Variants in DBN1 observed in about 807,000 individuals in gnomAD.
The protein encoded by DBN1 is drebrin 1.
DBN1 carries 21 observed loss-of-function variants against 83.5 expected under a neutral mutation model. The observed-to-expected ratio is 0.25, with a 90% CI of 0.18 to 0.36. The LOEUF is 0.36. Ranked by LOEUF, DBN1 falls within the 10% of genes least tolerant of loss-of-function variation. The pLI is 1.00. For synonymous variants in DBN1, 381 were observed against 384.9 expected, an observed-to-expected ratio of 0.99 and a Z score of 0.12; for missense variants, 874 against 935.7, an observed-to-expected ratio of 0.93 and a Z score of 0.86.
chr5:177,472,486 C>T lies in DBN1; in HGVS notation c.86+950G>A, dbSNP rs115762367. On this transcript the variant is annotated intron_variant, in intron 1 of 14. Transcript: ENST00000393565. ...GTTTCCTTTTTCCACCACCCTGGGC[C>T]GCCAGCCCCAGAGCAGGTGGTCCAT... The T allele has an allele frequency of 1.6e-3, 1,847 of 1,140,750 alleles. 18 individuals carry two copies. The African/African-American group carries it at 0.027, about 17-fold the overall frequency. 70.7% of individuals were successfully genotyped at this position (1,140,750 alleles called of 1,614,324 possible).
chr5:177,460,771 T>C, intron 8 of DBN1, 68 bp from the exon 9 acceptor site: 1 of 1,486,206 alleles, frequency 6.7e-7, no homozygotes, highest in South Asian at 1.2e-5. Context: ...TCTTTTTTAC[T>C]GTATTTTATT....
chr5:177,460,591 G>A (rs1359038289), intron 9 of DBN1, 36 bp from the exon 10 acceptor site: 1 of 1,614,030 alleles, frequency 6.2e-7, no homozygotes, highest in Non-Finnish European at 8.5e-7. Flanking sequence ...GCTGGGCCAG[G>A]CAAGCTGAGA....
At chr5:177,462,463 GGGT>G (rs1757121194) in intron 8 of DBN1, 1 of 951,958 alleles carries the variant, frequency 1.1e-6, no homozygotes, top group Middle Eastern at 5.4e-4. Flanking sequence ...GGTCCCCACA[GGGT>G]GCTCCTGGCT....
chr5:177,458,622 G>C lies in DBN1; in HGVS notation c.1350C>G (p.Pro450=). Reference sequence around the variant, plus strand: ...CCCGGGGAGGCGCCTGTGCCTGAGGGGGCTCCTCCATGGGGCCGGCCCAGG... The same window carrying C: ...CCCGGGGAGGCGCCTGTGCCTGAGGCGGCTCCTCCATGGGGCCGGCCCAGG... ...PQAWAGPMEE[P]PQAQAPPRGP... The change falls in exon 13 of 15, where the codon CCC becomes CCG. Residue 450 remains proline, a synonymous_variant. Coordinates refer to ENST00000393565, the MANE Select transcript of DBN1 (RefSeq NM_001363541.2). 1 of 1,609,558 alleles carries C rather than the reference G, an allele frequency of 6.2e-7. No individual in the cohort carries two copies. The highest frequency in any genetic ancestry group is 2.2e-5 in the East Asian group (1 of 44,874).
At chr5:177,462,123 T>C in intron 8 of DBN1, 5 of 708,638 alleles carry the variant, frequency 7.1e-6, no homozygotes, top group Non-Finnish European at 8.7e-6. Flanking sequence ...CACGTTGTTT[T>C]GGGTGGGCAG....
rs1756588738 is a variant in DBN1 at position 177,457,447 on chromosome 5, C to A, written c.2074G>T (p.Glu692Ter). 6.2e-7 allele frequency: 1 copy of A among 1,613,956 alleles called. No individual in the cohort carries two copies. The highest frequency in any genetic ancestry group is 1.3e-5 in the African/African-American group (1 of 74,920). Residue 692 changes from glutamate to a stop codon, truncating the protein, a stop_gained, in exon 15 of 15, where the codon GAG (glutamate) becomes TAG (stop). Coordinates refer to ENST00000393565, the MANE Select transcript of DBN1 (RefSeq NM_001363541.2). LOFTEE classifies it high-confidence loss of function. The part of the protein sequence containing the change: ...DPVPEEEEGF[E>*]GGD ...TGGCGCCACCGCTAATCACCACCCT[C>A]GAAGCCCTCCTCCTCTTCTGGAACT...
intron 1 of DBN1, 180 bp downstream of exon 1, chr5:177,473,256 C>T (rs1228690758): frequency 3.5e-6 from 1 of 286,784 alleles, no homozygotes; most frequent in Admixed American, 5.4e-5. Context: ...AGTGCCCCGC[C>T]TGGCCCGCCG....
In DBN1 at chr5:177,467,254, C is replaced by T; in HGVS notation, c.555+1G>A. On this transcript the variant is annotated splice_donor_variant, in intron 6 of 14. Coordinates refer to ENST00000393565, the MANE Select transcript of DBN1 (RefSeq NM_001363541.2). LOFTEE classifies it high-confidence loss of function. This position sits in a 1 kb window ranked among gnomAD's most constrained non-coding sequence, Gnocchi z 9.1. The stretch of plus-strand genomic sequence containing the variant: ...GCCAGGCCGGGCTCAGGGTTCCATA[C>T]CTTGGCCTGCTCCCAGAACTGCTCT... 6.2e-7 allele frequency: 1 copy of T among 1,614,140 alleles called. No individual in the cohort carries two copies. Among genetic ancestry groups the T allele is most frequent in the South Asian group, 1.1e-5 (1 of 91,086 alleles).
chr5:177,459,695 G>A lies in DBN1; in HGVS notation c.1001C>T (p.Ser334Phe). ...GGAGGAGGAGGAAGAGGAGGAGGAG[G>A]AAGGCCCACTGTCCGATGCCTTTAT... Reference protein sequence around the residue: ...PFIKASDSGPSSSSSSSSSPP... With the variant: ...PFIKASDSGPFSSSSSSSSPP... The change falls in exon 11 of 15, where the codon TCC becomes TTC. Residue 334 changes from serine (S) to phenylalanine (F), a missense_variant. Coordinates refer to ENST00000393565, the MANE Select transcript of DBN1 (RefSeq NM_001363541.2). The A allele has an allele frequency of 6.3e-7, 1 of 1,589,776 alleles. No homozygotes were observed. Among genetic ancestry groups the A allele is most frequent in the Non-Finnish European group, 8.6e-7 (1 of 1,168,696 alleles).
In DBN1 at chr5:177,467,670, C is replaced by T. The variant is rs550864899; in HGVS notation, c.331-43G>A. On this transcript the variant is annotated intron_variant, in intron 4 of 14. Coordinates refer to ENST00000393565, the MANE Select transcript of DBN1 (RefSeq NM_001363541.2). The surrounding 1 kb of genome is among the most constrained non-coding windows in gnomAD (Gnocchi z 9.1). Reference sequence around the variant, plus strand: ...CAGTGCTCAGGCGGCACCATCCTCCCGCCATCCCCACCCCAGCACGCAGAC... The same window carrying T: ...CAGTGCTCAGGCGGCACCATCCTCCTGCCATCCCCACCCCAGCACGCAGAC... The T allele has an allele frequency of 1.4e-5, 22 of 1,560,082 alleles. No homozygotes were observed. The highest frequency in any genetic ancestry group is 8.1e-5 in the African/African-American group (6 of 73,712).
chr5:177,468,313 C>T, intron 2 of DBN1, 93 bp from the exon 3 acceptor site: 1 of 1,104,180 alleles, frequency 9.1e-7, no homozygotes, highest in Non-Finnish European at 1.4e-6. Flanking sequence ...TCCAGGCCTC[C>T]ACAGGCACCC....
At chr5:177,473,346 C>T in intron 1 of DBN1, 90 bp downstream of exon 1, 1 of 784,768 alleles carries the variant, frequency 1.3e-6, no homozygotes, top group East Asian at 3.4e-5. Flanking sequence ...CCCCTCCCTT[C>T]CCGGCGGCGG....
At position 177,460,569 on chromosome 5, in the gene DBN1, G is replaced by A; in HGVS notation, c.832-14C>T. ...AGCTGCTGCCTCCTGAGGGCACGAG[G>A]AAAAGGTTGGGGCTGGGCCAGGCAA... On this transcript the variant is annotated splice_polypyrimidine_tract_variant and intron_variant, in intron 9 of 14. Transcript: ENST00000393565. 6.2e-7 allele frequency: 1 copy of A among 1,614,176 alleles called. No individual in the cohort carries two copies. Among genetic ancestry groups the A allele is most frequent in the East Asian group, 2.2e-5 (1 of 44,882 alleles).
chr5:177,467,885 T>C lies in DBN1; in HGVS notation c.256-68A>G. 1 of 1,562,560 alleles carries C rather than the reference T, an allele frequency of 6.4e-7. No individual in the cohort carries two copies. The highest frequency in any genetic ancestry group is 8.8e-7 in the Non-Finnish European group (1 of 1,140,284). ...GGGGCCCTACACGATAGGGTGCATCTTCCCCGGGGTGGGAAGAGGGTGGGC... is the reference window on the plus strand; with the variant it reads ...GGGGCCCTACACGATAGGGTGCATCCTCCCCGGGGTGGGAAGAGGGTGGGC... On this transcript the variant is annotated intron_variant, in intron 3 of 14. Coordinates refer to ENST00000393565, the MANE Select transcript of DBN1 (RefSeq NM_001363541.2). The surrounding 1 kb of genome is among the most constrained non-coding windows in gnomAD (Gnocchi z 9.1).
At chr5:177,458,791 G>C (rs942648834) in intron 12 of DBN1, 84 bp from the exon 13 acceptor site, 7 of 1,314,048 alleles carry the variant, frequency 5.3e-6, no homozygotes, top group Non-Finnish European at 7.1e-6. Context: ...AGGAGTGAGG[G>C]AGCCAGGGAC....
In DBN1 at chr5:177,468,907, G is replaced by C. The variant is rs201820937; in HGVS notation, c.87-8C>G. ...TCATATGTGTACAGAGCCCTGGGGAGAGGGAGGGGTGGCTGTCAAACTGTC... is the reference window on the plus strand; with the variant it reads ...TCATATGTGTACAGAGCCCTGGGGACAGGGAGGGGTGGCTGTCAAACTGTC... On this transcript the variant is annotated splice_region_variant and splice_polypyrimidine_tract_variant and intron_variant, in intron 1 of 14. Coordinates refer to ENST00000393565, the MANE Select transcript of DBN1 (RefSeq NM_001363541.2). 1 of 1,313,300 alleles carries C rather than the reference G, an allele frequency of 7.6e-7. No homozygotes were observed. The highest frequency in any genetic ancestry group is 3.1e-5 in the Admixed American group (1 of 32,774). 81.4% of individuals were successfully genotyped at this position (1,313,300 alleles called of 1,614,324 possible). A position where few individuals can be genotyped will look rare whatever the true frequency, so the allele number is the denominator to read the frequency against.
intron 1 of DBN1, among the ~76,000 whole-genome samples, chr5:177,471,673 G>A (rs956638697): frequency 6.6e-6 from 1 of 152,136 alleles, no homozygotes; most frequent in East Asian, 1.9e-4. Context: ...CTTAGTGAAC[G>A]AATGTGTGCA....
rs1310297872 is a variant in DBN1 at position 177,458,163 on chromosome 5, G to C, written c.1809C>G (p.Pro603=). The C allele has an allele frequency of 5.6e-6, 9 of 1,612,960 alleles. No homozygotes were observed. The highest frequency in any genetic ancestry group is 7.6e-6 in the Non-Finnish European group (9 of 1,179,708). The change falls in exon 13 of 15, where the codon CCC becomes CCG. Residue 603 remains proline (P), a synonymous_variant. Coordinates refer to ENST00000393565, the MANE Select transcript of DBN1 (RefSeq NM_001363541.2). ...GGGCTGAGGGCAGAGTTGGGGTCTG[G>C]GGGGCAGCCAGGGACTCCCCTTCCA... The part of the protein sequence containing the change: ...EEVEGESLAA[P]QTPTLPSALE...
chr5:177,465,078 G>C (rs1172277046), intron 8 of DBN1, among the ~76,000 whole-genome samples: 4 of 152,194 alleles, frequency 2.6e-5, no homozygotes, highest in Non-Finnish European at 4.4e-5. Context: ...GTGTGAACCT[G>C]GGAGGCGGAG....
Sources: gnomAD v4.1 joint callset for allele counts (sites outside exome capture counted in the v4.1 genomes callset) on GRCh38, gnomAD v4.1.1 for gene constraint, Gnocchi (gnomAD v3.1) non-coding constraint, MANE v1.5 for transcripts, NCBI Gene and HGNC (gene_info 2026-07-23, HGNC 2026-07-21) for gene names.